EPN2: variants seen among roughly 807,000 people sequenced by gnomAD.
EPN2 encodes the protein epsin-2.
Under a neutral mutation model 61.7 loss-of-function variants are expected in EPN2, and 34 were observed. The ratio of observed to expected loss-of-function variants is 0.55; its 90% CI spans 0.42 to 0.73. The LOEUF is 0.73. EPN2 is among the 30% of genes least tolerant of loss of function. EPN2 has a pLI of 0.00. For missense variants in EPN2, 714 were observed against 839.2 expected (o/e 0.85, Z 1.84); for synonymous variants, 349 against 353.6 (o/e 0.99, Z 0.15).
rs1062727 is a variant in EPN2, at chr17:19,332,035, C to T, written c.1594C>T (p.Pro532Ser). 1 of 1,612,678 alleles carries T rather than the reference C, an allele frequency of 6.2e-7. No homozygotes were observed. Among genetic ancestry groups the T allele is most frequent in the African/African-American group, 1.3e-5 (1 of 75,032 alleles). The change falls in exon 10 of 11, where the codon CCA (proline) becomes TCA (serine). Residue 532 changes from proline (P) to serine (S), a missense_variant. By Grantham distance (74) the Pro-to-Ser change is moderately conservative. Around this residue, in one of 2 missense-constraint regions of EPN2, gnomAD observed 410 missense variants for 421.8 expected, o/e 0.97. Transcript: ENST00000314728. ...CTCACTGGTGACCAGGCCTGCCCCA[C>T]CAGCCCAGTCCCTCAACCCTTTCCT... ...LDSLVTRPAP[P>S]AQSLNPFLAP...
At chr17:19,316,187 T>G (rs1369549030) in intron 7 of EPN2, among the ~76,000 whole-genome samples, 1 of 152,266 alleles carries the variant, frequency 6.6e-6, no homozygotes, top group African/African-American at 2.4e-5. Context: ...GAATCCAGTT[T>G]TTTAAAGAGA....
intron 1 of EPN2, among the ~76,000 whole-genome samples, chr17:19,265,378 GA>G (rs571952205): frequency 1.4e-3 from 194 of 137,726 alleles, no homozygotes; most frequent in Middle Eastern, 3.6e-3. Context: ...CCTTTCTCAG[GA>G]AAAAAAAAAA....
chr17:19,321,631 G>T (rs1382743547), intron 7 of EPN2, among the ~76,000 whole-genome samples: 3 of 152,202 alleles, frequency 2.0e-5, no homozygotes, highest in East Asian at 1.9e-4. Flanking sequence ...CAAGTGGGAA[G>T]GGATAGTAGC....
chr17:19,303,058 G>A (rs568332119), intron 4 of EPN2, among the ~76,000 whole-genome samples: 38 of 152,356 alleles, frequency 2.5e-4, no homozygotes, highest in Admixed American at 1.2e-3. Flanking sequence ...TTCCTGGGTG[G>A]AAGCACAAGA....
chr17:19,244,280 G>A (rs2044920092), intron 1 of EPN2, among the ~76,000 whole-genome samples: 3 of 152,144 alleles, frequency 2.0e-5, no homozygotes, highest in South Asian at 2.1e-4. Flanking sequence ...CCAACATGGC[G>A]AAACCCCATT....
At chr17:19,263,797 C>T (rs1273666325) in intron 1 of EPN2, among the ~76,000 whole-genome samples, 1 of 152,192 alleles carries the variant, frequency 6.6e-6, no homozygotes, top group East Asian at 1.9e-4. Context: ...ACCTGGCCTT[C>T]CTGAGGCCTT....
chr17:19,308,331 C>T, intron 4 of EPN2: 1 of 972,290 alleles, frequency 1.0e-6, no homozygotes, highest in Non-Finnish European at 1.2e-6. Flanking sequence ...GTCTCAGCCT[C>T]CCAAAGTGCT....
At chr17:19,250,048 T>A (rs2044997047) in intron 1 of EPN2, among the ~76,000 whole-genome samples, 1 of 152,100 alleles carries the variant, frequency 6.6e-6, no homozygotes. Context: ...TTGGGCACAC[T>A]GAATAATCCA....
intron 4 of EPN2, among the ~76,000 whole-genome samples, chr17:19,286,044 G>T (rs1283585095): frequency 6.6e-6 from 1 of 152,184 alleles, no homozygotes; most frequent in Non-Finnish European, 1.5e-5. Context: ...TTTGGGTAAG[G>T]CATGGGGTGA....
At position 19,331,886 on chromosome 17, in the gene EPN2, A is replaced by G. The variant is rs1338847720; in HGVS notation, c.1445A>G (p.Asn482Ser). 6.2e-7 allele frequency: 1 copy of G among 1,614,152 alleles called. No individual in the cohort carries two copies. Among genetic ancestry groups the G allele is most frequent in the Non-Finnish European group, 8.5e-7 (1 of 1,180,008 alleles). ...GTGACCTCTCTGCCATCCCAAAACAATGGAACTACCAGCCCTGACCCCTTT... is the reference window on the plus strand; with the variant it reads ...GTGACCTCTCTGCCATCCCAAAACAGTGGAACTACCAGCCCTGACCCCTTT... Reference protein sequence around the residue: ...ESVTSLPSQNNGTTSPDPFES... With the variant: ...ESVTSLPSQNSGTTSPDPFES... The change falls in exon 10 of 11, where the codon AAT (asparagine) becomes AGT (serine). Residue 482 changes from asparagine (N) to serine (S), a missense_variant. Transcript: ENST00000314728.
intron 1 of EPN2, among the ~76,000 whole-genome samples, chr17:19,272,007 C>T (rs562588712): frequency 2.0e-5 from 3 of 152,210 alleles, no homozygotes; most frequent in Non-Finnish European, 4.4e-5. Flanking sequence ...AAATTAAACA[C>T]GAGATCATGG....
intron 1 of EPN2, among the ~76,000 whole-genome samples, chr17:19,260,335 T>G (rs2045127564): frequency 6.6e-6 from 1 of 152,136 alleles, no homozygotes; most frequent in South Asian, 2.1e-4. Context: ...ATGGGGGCAT[T>G]GACAGTGGGG....
chr17:19,315,302 A>G (rs1045325245), intron 7 of EPN2, among the ~76,000 whole-genome samples: 2 of 152,114 alleles, frequency 1.3e-5, no homozygotes, highest in African/African-American at 4.8e-5. Context: ...TAATAGCAAT[A>G]CCATGTTGAG....
rs377337201 is a variant in EPN2 at position 19,283,543 on chromosome 17, G to C, written c.424G>C (p.Ala142Pro). 1.2e-6 allele frequency: 2 copies of C among 1,614,240 alleles called. No homozygotes were observed. Among genetic ancestry groups the C allele is most frequent in the Non-Finnish European group, 1.7e-6 (2 of 1,180,042 alleles). Residue 142 changes from alanine (A) to proline (P), a missense_variant, in exon 3 of 11, where the codon GCT becomes CCT. By Grantham distance (27) the Ala-to-Pro change is conservative. Around this residue, in one of 2 missense-constraint regions of EPN2, gnomAD observed 304 missense variants for 417.4 expected, o/e 0.73. Coordinates refer to ENST00000314728, the MANE Select transcript of EPN2 (RefSeq NM_014964.5). The surrounding 1 kb of genome is among the most constrained non-coding windows in gnomAD (Gnocchi z 7.0). ...CCTCAAGGACGAGGAACGGTTGAAG[G>C]CTGAGAGGGCCCAGGCTCTCAAAAC... is the stretch of plus-strand genomic sequence containing the variant. ...ALLKDEERLKAERAQALKTKE... is the reference protein window; with the variant it reads ...ALLKDEERLKPERAQALKTKE...
At chr17:19,313,334 G>T in intron 7 of EPN2, 55 bp downstream of exon 7, 1 of 1,461,916 alleles carries the variant, frequency 6.8e-7, no homozygotes. Context: ...GTGAGGGGCA[G>T]GGCAGTGCTT....
intron 4 of EPN2, among the ~76,000 whole-genome samples, chr17:19,291,427 ATTTTTTTTTTTTTT>A (rs60753158): frequency 1.4e-5 from 1 of 69,838 alleles, no homozygotes; most frequent in Admixed American, 1.9e-4. Flanking sequence ...TCAGCCATTC[ATTTTTTTTTTTTTT>A]TTTTTTTTTT....
intron 7 of EPN2, among the ~76,000 whole-genome samples, chr17:19,314,268 G>A (rs188611144): frequency 2.6e-5 from 4 of 152,288 alleles, no homozygotes; most frequent in Admixed American, 2.6e-4. Flanking sequence ...ACTCGATGGA[G>A]GTTATTTGAG....
At chr17:19,274,416 G>A (rs1004021876) in intron 1 of EPN2, 1 of 152,196 alleles carries the variant, frequency 6.6e-6, no homozygotes, top group Non-Finnish European at 1.5e-5. Flanking sequence ...TACATAGGTG[G>A]AGCTACCATC....
chr17:19,315,669 G>A (rs1336538725), intron 7 of EPN2, among the ~76,000 whole-genome samples: 1 of 152,020 alleles, frequency 6.6e-6, no homozygotes, highest in Non-Finnish European at 1.5e-5. Context: ...ATTTTTAGTA[G>A]AGACGGGGTT....
Sources: allele counts gnomAD v4.1 joint callset (sites outside exome capture counted in the v4.1 genomes callset), GRCh38; gene constraint gnomAD v4.1.1; regional missense constraint gnomAD v4.1.1; non-coding constraint Gnocchi (gnomAD v3.1); transcripts MANE v1.5; gene names NCBI Gene and HGNC (gene_info 2026-07-23, HGNC 2026-07-21).